Variants in DTNA observed in about 807,000 individuals in gnomAD.
DTNA encodes dystrobrevin alpha.
Under a neutral mutation model 100.7 loss-of-function variants are expected in DTNA, and 43 were observed. That is an observed-to-expected ratio of 0.43 (90% CI 0.33 to 0.55). The LOEUF is 0.55. Among genes scored for constraint, DTNA ranks in the 20% least tolerant of loss-of-function variants. The probability of loss-of-function intolerance (pLI) is 0.04; values close to 1 mark genes in which losing one functional copy is unlikely to be tolerated. For missense variants in DTNA, 798 were observed against 953.9 expected, an observed-to-expected ratio of 0.84 and a Z score of 2.15; for synonymous variants, 349 against 347.9, an observed-to-expected ratio of 1.00 and a Z score of -0.04.
At chr18:34,775,694 A>G (rs2094010243) in intron 3 of DTNA, among the ~76,000 whole-genome samples, 1 of 152,206 alleles carries the variant, frequency 6.6e-6, no homozygotes, top group Non-Finnish European at 1.5e-5. Flanking sequence ...TCCTATGGTC[A>G]CAAGGAACTG....
At chr18:34,876,543 C>T (rs2096820763) in intron 18 of DTNA, among the ~76,000 whole-genome samples, 2 of 152,184 alleles carry the variant, frequency 1.3e-5, no homozygotes, top group African/African-American at 2.4e-5. Flanking sequence ...AGATGTTCAA[C>T]CTCTAATTAC....
intron 1 of DTNA, among the ~76,000 whole-genome samples, chr18:34,607,271 TTAAAC>T (rs1354178344): frequency 2.6e-5 from 4 of 152,310 alleles, no homozygotes; most frequent in Admixed American, 2.6e-4. Flanking sequence ...CAAAGATTAT[TTAAAC>T]TAAGAGTTTC....
At chr18:34,614,253 C>A (rs1014973433) in intron 1 of DTNA, among the ~76,000 whole-genome samples, 1 of 152,196 alleles carries the variant, frequency 6.6e-6, no homozygotes, top group African/African-American at 2.4e-5. Flanking sequence ...AATATTACTT[C>A]TCATTGACAA....
At chr18:34,633,991 A>G (rs763192734) in intron 1 of DTNA, among the ~76,000 whole-genome samples, 3 of 152,208 alleles carry the variant, frequency 2.0e-5, no homozygotes, top group Non-Finnish European at 4.4e-5. Context: ...GCTGGTAGTT[A>G]ATAGTATTAC....
intron 7 of DTNA, 95 bp from the exon 8 acceptor site, chr18:34,818,069 G>C: frequency 6.2e-7 from 1 of 1,607,004 alleles, no homozygotes; most frequent in Non-Finnish European, 8.5e-7. Context: ...TCGTGGTGCA[G>C]AGAAGAAAGG....
At position 34,756,061 on chromosome 18, in the gene DTNA, A is replaced by G; in HGVS notation, c.67+18A>G. 6.2e-7 allele frequency: 1 copy of G among 1,610,192 alleles called. No homozygotes were observed. The highest frequency in any genetic ancestry group is 1.1e-5 in the South Asian group (1 of 90,932). On this transcript the variant is annotated intron_variant, in intron 2 of 22. Coordinates refer to ENST00000444659, the MANE Select transcript of DTNA (RefSeq NM_001386795.1). The stretch of plus-strand genomic sequence containing the variant: ...AGAGATGAGTAAGTATGGATCTTTT[A>G]AGGAACACCCTATAGTTTCCATTGA...
intron 1 of DTNA, among the ~76,000 whole-genome samples, chr18:34,673,281 A>T (rs550819878): frequency 8.6e-4 from 130 of 151,696 alleles, no homozygotes; most frequent in African/African-American, 2.8e-3. Flanking sequence ...TATTATTATT[A>T]TTTTTTCTCT....
intron 17 of DTNA, among the ~76,000 whole-genome samples, chr18:34,872,244 G>A (rs1265459878): frequency 6.6e-6 from 1 of 152,170 alleles, no homozygotes; most frequent in Non-Finnish European, 1.5e-5. Context: ...ACAGCCCAGT[G>A]CACTAGGAGA....
chr18:34,890,361 G>T lies in DTNA; in HGVS notation c.*2627G>T, dbSNP rs769729466. 1.3e-6 allele frequency: 2 copies of T among 1,536,116 alleles called. No homozygotes were observed. Among genetic ancestry groups the T allele is most frequent in the Non-Finnish European group, 1.7e-6 (2 of 1,146,910 alleles). On this transcript the variant is annotated 3_prime_UTR_variant, in exon 23 of 23. Coordinates refer to ENST00000444659, the MANE Select transcript of DTNA (RefSeq NM_001386795.1). ...TGTCCTGTAAGCGAGACAAAATGGC[G>T]TGTGTTATTTTGGGGTTTTGTGTTT... is the stretch of plus-strand genomic sequence containing the variant.
At position 34,534,076 on chromosome 18, in the gene DTNA, G is replaced by T. The variant is rs184422542; in HGVS notation, c.-2+40562G>T. On this transcript the variant is annotated intron_variant, in intron 1 of 19. Transcript: ENST00000283365. ...AAAAATACATTCTTGGCTGGGCATGGTGGCTCACACCTGTAATCCCAGCAC... is the reference window on the plus strand; with the variant it reads ...AAAAATACATTCTTGGCTGGGCATGTTGGCTCACACCTGTAATCCCAGCAC... Among the ~76,000 whole-genome samples the T allele has an allele frequency of 5.5e-4, 83 of 152,234 alleles. 2 individuals are homozygous for T. The East Asian group carries it at 0.014, about 25-fold the overall frequency.
At chr18:34,869,313 TACAC>T (rs143769065) in intron 17 of DTNA, among the ~76,000 whole-genome samples, 13 of 150,844 alleles carry the variant, frequency 8.6e-5, no homozygotes, top group Admixed American at 5.3e-4. Flanking sequence ...CACACTCACA[TACAC>T]ACACACACAC....
intron 3 of DTNA, among the ~76,000 whole-genome samples, chr18:34,783,857 A>C (rs1380459585): frequency 6.6e-6 from 1 of 152,200 alleles, no homozygotes; most frequent in Non-Finnish European, 1.5e-5. Flanking sequence ...CAAGGGCATA[A>C]AAATAAATTA....
rs1221384839 is a variant in DTNA at position 34,816,023 on chromosome 18, T to C, written c.709+9T>C. 1 of 1,611,398 alleles carries C rather than the reference T, an allele frequency of 6.2e-7. No homozygotes were observed. Among genetic ancestry groups the C allele is most frequent in the Non-Finnish European group, 8.5e-7 (1 of 1,177,538 alleles). On this transcript the variant is annotated intron_variant, in intron 7 of 22. Transcript: ENST00000444659. Reference sequence around the variant, plus strand: ...AGCAAATGTGGAAAATGGTGAGTAGTTACTAAGGAGCAAAGGTGATTTTTT... The same window carrying C: ...AGCAAATGTGGAAAATGGTGAGTAGCTACTAAGGAGCAAAGGTGATTTTTT...
chr18:34,663,491 G>A (rs548024097), intron 1 of DTNA, among the ~76,000 whole-genome samples: 1 of 152,292 alleles, frequency 6.6e-6, no homozygotes, highest in African/African-American at 2.4e-5. Flanking sequence ...GCAAGGAAAT[G>A]GGAAGTACAC....
intron 17 of DTNA, among the ~76,000 whole-genome samples, chr18:34,871,433 C>T (rs1228040973): frequency 4.6e-5 from 7 of 152,178 alleles, no homozygotes; most frequent in Admixed American, 3.9e-4. Flanking sequence ...TTCCATAAAT[C>T]AACTCTCTCC....
At chr18:34,545,801 C>T (rs1260114388) in intron 1 of DTNA, among the ~76,000 whole-genome samples, 1 of 151,728 alleles carries the variant, frequency 6.6e-6, no homozygotes, top group Non-Finnish European at 1.5e-5. Flanking sequence ...CAGTTGTGTC[C>T]ATTTCTTTTT....
intron 1 of DTNA, among the ~76,000 whole-genome samples, chr18:34,713,094 AT>A (rs942301050): frequency 3.1e-4 from 46 of 150,210 alleles, no homozygotes; most frequent in African/African-American, 8.8e-4. Flanking sequence ...AAAGAATTGG[AT>A]TTTTTTTTTA....
At chr18:34,806,468 A>G (rs2095363761) in intron 5 of DTNA, among the ~76,000 whole-genome samples, 164 bp downstream of exon 5, 1 of 152,124 alleles carries the variant, frequency 6.6e-6, no homozygotes, top group Admixed American at 6.6e-5. Context: ...TCATAGCGAT[A>G]TTTTCATATT....
chr18:34,551,111 C>G (rs2045360711), intron 1 of DTNA, among the ~76,000 whole-genome samples: 1 of 152,178 alleles, frequency 6.6e-6, no homozygotes. Context: ...TATGAATAGA[C>G]TGGCCTCCAT....
Sources: allele counts gnomAD v4.1 joint callset (sites outside exome capture counted in the v4.1 genomes callset), GRCh38; gene constraint gnomAD v4.1.1; transcripts MANE v1.5; gene names NCBI Gene and HGNC (gene_info 2026-07-23, HGNC 2026-07-21).